Variants in MAP1LC3B2 observed in about 807,000 individuals in gnomAD.
The protein encoded by MAP1LC3B2 is microtubule-associated protein 1 light chain 3 beta 2.
For synonymous variants in MAP1LC3B2, 62 were observed against 57.8 expected (o/e 1.07, Z -0.33); for missense variants, 155 against 154.6 (o/e 1.00, Z -0.01).
chr12:116,573,929 A>G (rs1869606913), intron 1 of MAP1LC3B2, among the ~76,000 whole-genome samples: 5 of 152,262 alleles, frequency 3.3e-5, no homozygotes, highest in Admixed American at 2.6e-4. Context: ...GCATATGAAA[A>G]GATGCTCAGC....
intron 1 of MAP1LC3B2, chr12:116,560,231 T>C (rs995244728): frequency 3.8e-5 from 5 of 130,714 alleles, no homozygotes; most frequent in Admixed American, 7.7e-5. Flanking sequence ...TATATATATA[T>C]ATATATATAT....
chr12:116,575,437 T>C (rs1660688560), intron 1 of MAP1LC3B2, among the ~76,000 whole-genome samples: 1 of 152,190 alleles, frequency 6.6e-6, no homozygotes, highest in African/African-American at 2.4e-5. Context: ...ACTTTCATAA[T>C]TCAAATGATC....
At chr12:116,575,361 G>A (rs1869645367) in intron 1 of MAP1LC3B2, among the ~76,000 whole-genome samples, 2 of 152,118 alleles carry the variant, frequency 1.3e-5, no homozygotes, top group Non-Finnish European at 2.9e-5. Context: ...GGAGAGCAGT[G>A]GAGCGGCTAT....
At chr12:116,570,593 G>T (rs1289126765) in intron 1 of MAP1LC3B2, among the ~76,000 whole-genome samples, 1 of 152,194 alleles carries the variant, frequency 6.6e-6, no homozygotes, top group Non-Finnish European at 1.5e-5. Context: ...CACGAGATCT[G>T]ATGGTTTTAT....
chr12:116,575,333 G>A (rs749694362), intron 1 of MAP1LC3B2, among the ~76,000 whole-genome samples: 1 of 152,200 alleles, frequency 6.6e-6, no homozygotes, highest in Non-Finnish European at 1.5e-5. Context: ...AGCAGTGAAT[G>A]AATCAGGGAG....
intron 1 of MAP1LC3B2, chr12:116,560,188 C>CCATATATATATATATACA (rs1491120344): frequency 1.4e-4 from 12 of 88,442 alleles, no homozygotes; most frequent in African/African-American, 5.5e-4. Flanking sequence ...CTAAGTTTGG[C>CCATATATATATATATACA]TATATATATA....
chr12:116,566,662 T>C (rs1869394822), intron 1 of MAP1LC3B2, among the ~76,000 whole-genome samples: 1 of 138,374 alleles, frequency 7.2e-6, no homozygotes, highest in African/African-American at 2.7e-5. Flanking sequence ...CCAGGTGTGG[T>C]CACTCATGTC....
chr12:116,570,053 A>AAAAAT (rs1270262164), intron 1 of MAP1LC3B2, among the ~76,000 whole-genome samples: 11 of 152,112 alleles, frequency 7.2e-5, no homozygotes, highest in Admixed American at 1.3e-4. Context: ...ACTCCATCTC[A>AAAAAT]AAAATAAAAT....
At chr12:116,562,882 T>G (rs1379809078) in intron 1 of MAP1LC3B2, among the ~76,000 whole-genome samples, 1 of 152,254 alleles carries the variant, frequency 6.6e-6, no homozygotes, top group African/African-American at 2.4e-5. Flanking sequence ...TTATTTATGA[T>G]TTCTGGCATT....
At chr12:116,564,970 T>C (rs1456180211) in intron 1 of MAP1LC3B2, among the ~76,000 whole-genome samples, 1 of 152,140 alleles carries the variant, frequency 6.6e-6, no homozygotes, top group African/African-American at 2.4e-5. Flanking sequence ...TGAAAAACAA[T>C]TGTTTTATAT....
intron 1 of MAP1LC3B2, among the ~76,000 whole-genome samples, chr12:116,562,574 C>T (rs1869299066): frequency 6.6e-6 from 1 of 152,206 alleles, no homozygotes; most frequent in Non-Finnish European, 1.5e-5. Flanking sequence ...GGGAAAGTCA[C>T]ATAAATCTCA....
chr12:116,576,591 T>TA lies in MAP1LC3B2; in HGVS notation c.*286dup, dbSNP rs35360861. ...TTTAAAAATAAAATACTTTGCATTC[T>TA]AAAAAAAAAAAAAAATTGCCTTACA... On this transcript the variant is annotated 3_prime_UTR_variant, in exon 2 of 2. Transcript: ENST00000556529. The TA allele has an allele frequency of 0.31, 80,958 of 262,176 alleles. 8,844 individuals carry two copies. The highest frequency in any genetic ancestry group is 0.38 in the Non-Finnish European group (49,723 of 131,262). The allele number at this position is 262,176 out of a possible 1,614,324, so 16.2% of individuals were successfully genotyped here.
At chr12:116,563,936 G>C (rs1869328943) in intron 1 of MAP1LC3B2, among the ~76,000 whole-genome samples, 1 of 151,864 alleles carries the variant, frequency 6.6e-6, no homozygotes. Context: ...TAACAAATGG[G>C]ATCTTGCTGT....
chr12:116,563,798 C>T lies in MAP1LC3B2; in HGVS notation c.-102+4365C>T, dbSNP rs568799490. On this transcript the variant is annotated intron_variant, in intron 1 of 1. Transcript: ENST00000556529. ...CACTCTGATTATTTATTTTTTTGGC[C>T]CTTGTTTCTCCTGGTTCTTTAATGT... Among the ~76,000 whole-genome samples, 12 of 151,930 alleles carry T rather than the reference C, an allele frequency of 7.9e-5. No individual in the cohort carries two copies. In the South Asian group the frequency reaches 1.9e-3, roughly 24 times the overall value.
intron 1 of MAP1LC3B2, among the ~76,000 whole-genome samples, chr12:116,569,611 G>A (rs572411078): frequency 3.4e-4 from 52 of 152,226 alleles, no homozygotes; most frequent in Admixed American, 1.1e-3. Context: ...GAATATGCAC[G>A]TAGGTATGTG....
intron 1 of MAP1LC3B2, among the ~76,000 whole-genome samples, chr12:116,574,585 G>T (rs1209260718): frequency 6.6e-6 from 1 of 151,972 alleles, no homozygotes; most frequent in East Asian, 1.9e-4. Context: ...GGTCAAGGTT[G>T]CAGTGAGCTA....
chr12:116,568,392 C>T (rs1342612531), intron 1 of MAP1LC3B2, among the ~76,000 whole-genome samples: 1 of 152,254 alleles, frequency 6.6e-6, no homozygotes, highest in Non-Finnish European at 1.5e-5. Context: ...CTTATTTGCT[C>T]CTTCACTGGG....
At chr12:116,571,072 G>C (rs1869516367) in intron 1 of MAP1LC3B2, among the ~76,000 whole-genome samples, 1 of 152,154 alleles carries the variant, frequency 6.6e-6, no homozygotes, top group South Asian at 2.1e-4. Flanking sequence ...TCTACAAGTG[G>C]CCAAAACAAA....
chr12:116,576,322 A>C lies in MAP1LC3B2; in HGVS notation c.*2A>C, dbSNP rs780509583. On this transcript the variant is annotated 3_prime_UTR_variant, in exon 2 of 2. Coordinates refer to ENST00000556529, the MANE Select transcript of MAP1LC3B2 (RefSeq NM_001085481.3). ...TTCGGGATGAAATTGTCAGTGTAAA[A>C]CCAGAAAAAATGCATCTCTTCTAGA... The C allele has an allele frequency of 2.9e-5, 46 of 1,609,494 alleles. No individual in the cohort carries two copies. In the African/African-American group the frequency reaches 5.9e-4, roughly 21 times the overall value.
Sources: allele counts gnomAD v4.1 joint callset (sites outside exome capture counted in the v4.1 genomes callset), GRCh38; gene constraint gnomAD v4.1.1; transcripts MANE v1.5; gene names NCBI Gene and HGNC (gene_info 2026-07-23, HGNC 2026-07-21).